The following TJP3 variants were observed in gnomAD, a reference collection of about 807,000 sequenced individuals.
TJP3 encodes tight junction protein 3, also known as tight junction protein ZO-3.
TJP3 carries 85 observed loss-of-function variants against 104.2 expected under a neutral mutation model. That is an observed-to-expected ratio of 0.82 (90% CI 0.68 to 0.98). The LOEUF is 0.98. TJP3 is among the 50% of genes least tolerant of loss of function. The pLI, the probability that TJP3 is intolerant of heterozygous loss-of-function variation, is 0.00. For missense variants in TJP3, 1,367 were observed against 1,322.8 expected, an observed-to-expected ratio of 1.03 and a Z score of -0.52; for synonymous variants, 550 against 550.6, an observed-to-expected ratio of 1.00 and a Z score of 0.02.
intron 18 of TJP3, among the ~76,000 whole-genome samples, chr19:3,747,299 G>A (rs931380490): frequency 4.6e-5 from 7 of 152,242 alleles, no homozygotes; most frequent in Non-Finnish European, 8.8e-5. Flanking sequence ...GACCTCAGGC[G>A]ATCCACCTGC....
In TJP3 at chr19:3,739,090, T is replaced by G. The variant is rs759342108; in HGVS notation, c.1587T>G (p.Arg529=). 2 of 1,592,920 alleles carry G rather than the reference T, an allele frequency of 1.3e-6. No homozygotes were observed. Among genetic ancestry groups the G allele is most frequent in the South Asian group, 2.2e-5 (2 of 89,522 alleles). The part of the protein sequence containing the change: ...GGHWLAVRMG[R]DLREQERGII... ...ACTGGCTGGCGGTGCGCATGGGTCG[T>G]GACCTGCGGGAGCAAGAGCGGGGCA... Residue 529 remains arginine (R), a synonymous_variant, in exon 13 of 21, where the codon CGT becomes CGG. Coordinates refer to ENST00000541714, the MANE Select transcript of TJP3 (RefSeq NM_001267560.2).
chr19:3,722,295 A>G (rs1019198140), intron 1 of TJP3, among the ~76,000 whole-genome samples: 1 of 152,012 alleles, frequency 6.6e-6, no homozygotes, highest in Non-Finnish European at 1.5e-5. Flanking sequence ...CAGAGAGAAA[A>G]ATGTGTTTTA....
intron 1 of TJP3, among the ~76,000 whole-genome samples, chr19:3,725,472 C>T (rs1381983334): frequency 1.3e-5 from 2 of 151,906 alleles, no homozygotes; most frequent in Non-Finnish European, 2.9e-5. Context: ...ACATCAAGCG[C>T]CTGCTTGCAG....
At chr19:3,735,780 A>G (rs2036730407) in intron 9 of TJP3, 89 bp from the exon 10 acceptor site, 1 of 1,584,142 alleles carries the variant, frequency 6.3e-7, no homozygotes, top group Non-Finnish European at 8.7e-7. Flanking sequence ...GGTGGGTGAC[A>G]GTCCTTCCAG....
intron 14 of TJP3, among the ~76,000 whole-genome samples, chr19:3,741,339 G>A (rs2145698064): frequency 6.6e-6 from 1 of 152,010 alleles, no homozygotes; most frequent in South Asian, 2.1e-4. Flanking sequence ...GCATGGTGGT[G>A]CATACCTATA....
intron 1 of TJP3, among the ~76,000 whole-genome samples, chr19:3,712,358 G>C (rs1388754351): frequency 1.3e-5 from 2 of 152,224 alleles, no homozygotes; most frequent in East Asian, 3.9e-4. Context: ...CCTTAGCGTA[G>C]ATGGTTTCCA....
intron 1 of TJP3, among the ~76,000 whole-genome samples, chr19:3,716,870 C>T (rs1049212025): frequency 5.0e-5 from 7 of 138,824 alleles, no homozygotes; most frequent in Admixed American, 7.5e-5. Flanking sequence ...ACGATCTCGG[C>T]TCACTGCACC....
At chr19:3,722,427 G>GGGTGGCTTT (rs1188009436) in intron 1 of TJP3, among the ~76,000 whole-genome samples, 1 of 152,110 alleles carries the variant, frequency 6.6e-6, no homozygotes, top group Non-Finnish European at 1.5e-5. Flanking sequence ...TTGGGGGCTG[G>GGGTGGCTTT]GGTGGCTTTG....
chr19:3,735,805 G>C lies in TJP3; in HGVS notation c.1061-64G>C, dbSNP rs2036730819. ...AGTCCTTCCAGGATGAGGACATAAA[G>C]CAAAGGTTTGGAGGCTGGACTGAGC... is the stretch of plus-strand genomic sequence containing the variant. On this transcript the variant is annotated intron_variant, in intron 9 of 20. Transcript: ENST00000541714. 6 of 1,606,524 alleles carry C rather than the reference G, an allele frequency of 3.7e-6. No individual in the cohort carries two copies. The Admixed American group carries it at 1.0e-4, about 27-fold the overall frequency.
At position 3,734,195 on chromosome 19, in the gene TJP3, G is replaced by A. The variant is rs552525132; in HGVS notation, c.878-132G>A. 11 of 1,045,142 alleles carry A rather than the reference G, an allele frequency of 1.1e-5. No individual in the cohort carries two copies. The Admixed American group carries it at 1.1e-4, about 11-fold the overall frequency. The allele number at this position is 1,045,142 out of a possible 1,614,324, so 64.7% of individuals were successfully genotyped here. A position where few individuals can be genotyped will look rare whatever the true frequency, so the allele number is the denominator to read the frequency against. On this transcript the variant is annotated intron_variant, in intron 7 of 20. Coordinates refer to ENST00000541714, the MANE Select transcript of TJP3 (RefSeq NM_001267560.2). ...AGCCACCGTGCCCAGCTCCAGAGCC[G>A]AATCTTCTAACTGAGCTTCTGACTT... is the stretch of plus-strand genomic sequence containing the variant.
intron 1 of TJP3, among the ~76,000 whole-genome samples, chr19:3,711,656 G>T (rs542633564): frequency 2.0e-5 from 3 of 147,220 alleles, no homozygotes; most frequent in South Asian, 4.4e-4. Flanking sequence ...ACTTTGGGAG[G>T]CCGAGACGGG....
At chr19:3,750,441 T>A (rs2036977578) in intron 20 of TJP3, 141 bp from the exon 21 acceptor site, 1 of 813,512 alleles carries the variant, frequency 1.2e-6, no homozygotes. Context: ...AGGAGTTTGT[T>A]AACAAGGCCC....
chr19:3,736,382 C>T lies in TJP3; in HGVS notation c.1284+61C>T, dbSNP rs2036740687. 4 of 1,427,342 alleles carry T rather than the reference C, an allele frequency of 2.8e-6. No individual in the cohort carries two copies. In the Admixed American group the frequency reaches 8.9e-5, roughly 32 times the overall value. 88.4% of individuals were successfully genotyped at this position (1,427,342 alleles called of 1,614,324 possible). ...TGGGCGTGCAGTGTGCTAGGTCCTGCCCTTGTCTGTTCCAGTCCTCCCCTT... is the reference window on the plus strand; with the variant it reads ...TGGGCGTGCAGTGTGCTAGGTCCTGTCCTTGTCTGTTCCAGTCCTCCCCTT... On this transcript the variant is annotated intron_variant, in intron 11 of 20. Transcript: ENST00000541714.
intron 1 of TJP3, among the ~76,000 whole-genome samples, chr19:3,723,808 A>T (rs200531428): frequency 0.03 from 3,820 of 128,848 alleles, 128 homozygotes; most frequent in East Asian, 0.078. Context: ...AAAAAAAAAA[A>T]ATATATATAT....
chr19:3,744,013 C>T lies in TJP3; in HGVS notation c.1918C>T (p.Pro640Ser). Residue 640 changes from proline to serine, a missense_variant, in exon 15 of 21, where the codon CCT (proline) becomes TCT (serine). Coordinates refer to ENST00000541714, the MANE Select transcript of TJP3 (RefSeq NM_001267560.2). ...IAMQKLTAEM[P>S]DQFEIAETVS... ...TATGCAGAAGTTGACTGCTGAGATG[C>T]CTGACCAGTTTGAAATCGCAGGTGA... The T allele has an allele frequency of 6.2e-7, 1 of 1,614,102 alleles. No individual in the cohort carries two copies. The highest frequency in any genetic ancestry group is 8.5e-7 in the Non-Finnish European group (1 of 1,179,994).
chr19:3,747,749 G>C (rs768336395), intron 18 of TJP3, 45 bp from the exon 19 acceptor site: 2 of 1,488,180 alleles, frequency 1.3e-6, no homozygotes, highest in East Asian at 2.4e-5. Context: ...GTGGCAGCTG[G>C]GGTCCTGGCC....
chr19:3,716,801 A>ATATATATATATT (rs1421328174), intron 1 of TJP3, among the ~76,000 whole-genome samples: 1 of 81,972 alleles, frequency 1.2e-5, no homozygotes, highest in African/African-American at 4.9e-5. Context: ...ATATATATAT[A>ATATATATATATT]TTTTTTTTTT....
At position 3,737,078 on chromosome 19, in the gene TJP3, C is replaced by T. The variant is rs1037228759; in HGVS notation, c.1284+757C>T. ...TGTTTTTAGTAGAGACAGGGTTTCA[C>T]CATGTTGGCCAGGCTGGTCTTGAAC... On this transcript the variant is annotated intron_variant, in intron 11 of 20. Transcript: ENST00000541714. 1.3e-5 allele frequency among the ~76,000 whole-genome samples: 2 copies of T among 151,900 alleles called. 1 individual carries two copies. The highest frequency in any genetic ancestry group is 4.8e-5 in the African/African-American group (2 of 41,338).
chr19:3,710,545 A>G (rs2036424468), intron 1 of TJP3, among the ~76,000 whole-genome samples: 1 of 152,196 alleles, frequency 6.6e-6, no homozygotes, highest in African/African-American at 2.4e-5. Flanking sequence ...GGGAAAGTCC[A>G]GGGCAGGGAG....
Sources: gnomAD v4.1 joint callset for allele counts (sites outside exome capture counted in the v4.1 genomes callset) on GRCh38, gnomAD v4.1.1 for gene constraint, MANE v1.5 for transcripts, NCBI Gene and HGNC (gene_info 2026-07-23, HGNC 2026-07-21) for gene names.